Variants in DSE observed in about 807,000 individuals in gnomAD.
The protein encoded by DSE is dermatan sulfate epimerase.
DSE carries 36 observed loss-of-function variants against 84.4 expected under a neutral mutation model. The ratio of observed to expected loss-of-function variants is 0.43; its 90% CI spans 0.33 to 0.56. DSE has a LOEUF of 0.56. DSE is among the 20% of genes least tolerant of loss of function. The probability of loss-of-function intolerance (pLI) is 0.06; values close to 1 mark genes in which losing one functional copy is unlikely to be tolerated. For synonymous variants in DSE, 410 were observed against 430.1 expected (o/e 0.95, Z 0.58); for missense variants, 862 against 1,169.6 (o/e 0.74, Z 3.84).
intron 1 of DSE, among the ~76,000 whole-genome samples, chr6:116,388,004 G>A (rs1780671525): frequency 1.3e-5 from 2 of 152,160 alleles, no homozygotes; most frequent in Admixed American, 1.3e-4. Context: ...CTTGGCCTGA[G>A]CAGCTTTAAT....
chr6:116,297,868 T>C (rs958098066), intron 2 of DSE, among the ~76,000 whole-genome samples: 1 of 152,184 alleles, frequency 6.6e-6, no homozygotes, highest in Non-Finnish European at 1.5e-5. Flanking sequence ...AATAAAATCT[T>C]GTTAAACTAT....
At chr6:116,267,442 TGAAAA>T (rs546246025) in intron 2 of DSE, among the ~76,000 whole-genome samples, 6,050 of 148,830 alleles carry the variant, frequency 0.041, 184 homozygotes, top group African/African-American at 0.082. Flanking sequence ...TTTAAAAAGT[TGAAAA>T]AAAAGAAAAA....
Position 116,437,293 on chromosome 6 carries a change from A to G in DSE, c.2825A>G (p.Asp942Gly). The G allele has an allele frequency of 1.2e-6, 2 of 1,613,918 alleles. No individual in the cohort carries two copies. The highest frequency in any genetic ancestry group is 2.2e-5 in the South Asian group (2 of 91,054). The change falls in exon 6 of 6, where the codon GAT (aspartate) becomes GGT (glycine). Residue 942 changes from aspartate to glycine, a missense_variant. Asp to Gly is a moderately conservative substitution (Grantham distance 94). Coordinates refer to ENST00000644252, the MANE Select transcript of DSE (RefSeq NM_013352.4). ...TGTCTTTATGCAGTTCTTCTCATAGATAGCTGTATTTTATTATGGTTGTAC... is the reference window on the plus strand; with the variant it reads ...TGTCTTTATGCAGTTCTTCTCATAGGTAGCTGTATTTTATTATGGTTGTAC... The part of the protein sequence containing the change: ...QRCLYAVLLI[D>G]SCILLWLYSS...
intron 1 of DSE, among the ~76,000 whole-genome samples, chr6:116,390,982 T>A (rs1780866608): frequency 2.0e-5 from 3 of 152,198 alleles, no homozygotes; most frequent in African/African-American, 7.2e-5. Context: ...AATTATGAAT[T>A]TAGTTAGATA....
At chr6:116,339,836 A>T (rs1777486800) in intron 2 of DSE, among the ~76,000 whole-genome samples, 1 of 152,256 alleles carries the variant, frequency 6.6e-6, no homozygotes, top group Non-Finnish European at 1.5e-5. Context: ...TTCTGCATTT[A>T]GGATGTTAGT....
intron 2 of DSE, chr6:116,279,668 C>T: frequency 6.2e-7 from 1 of 1,608,028 alleles, no homozygotes; most frequent in Non-Finnish European, 8.5e-7. Context: ...GCGACGGTCT[C>T]CGAGCCTCCC....
chr6:116,285,892 G>T (rs1773872475), intron 2 of DSE, among the ~76,000 whole-genome samples: 1 of 152,052 alleles, frequency 6.6e-6, no homozygotes, highest in South Asian at 2.1e-4. Context: ...CTCTGTTTTG[G>T]TACCAGTACC....
chr6:116,354,789 G>T (rs1562249871), intron 2 of DSE, among the ~76,000 whole-genome samples: 1 of 151,356 alleles, frequency 6.6e-6, no homozygotes, highest in Non-Finnish European at 1.5e-5. Context: ...ATATTTTTTG[G>T]TTACATTACT....
intron 2 of DSE, among the ~76,000 whole-genome samples, chr6:116,333,854 G>A (rs1362624519): frequency 1.3e-5 from 2 of 151,982 alleles, no homozygotes; most frequent in Non-Finnish European, 2.9e-5. Context: ...CCTACTCAGA[G>A]GTAAGACAAT....
chr6:116,256,018 C>T (rs1475362152), intron 1 of DSE: 2 of 152,186 alleles, frequency 1.3e-5, no homozygotes, highest in African/African-American at 2.4e-5. Flanking sequence ...ACACTCAGTT[C>T]ATGTAGATTG....
At chr6:116,290,735 A>G (rs1200692010) in intron 2 of DSE, among the ~76,000 whole-genome samples, 1 of 152,140 alleles carries the variant, frequency 6.6e-6, no homozygotes, top group Non-Finnish European at 1.5e-5. Flanking sequence ...CCCACTTAGT[A>G]TATCATCTAC....
At chr6:116,254,195 C>G (rs1175929021) in exon 1 of DSE, 7 of 725,904 alleles carry the variant, frequency 9.6e-6, no homozygotes, top group Non-Finnish European at 1.5e-5. Flanking sequence ...CTACGCTTAT[C>G]AATCCATCGT....
chr6:116,258,800 C>T (rs746113811), exon 2 of DSE: 5 of 1,609,330 alleles, frequency 3.1e-6, no homozygotes, highest in East Asian at 2.2e-5. Flanking sequence ...AGAGGGTTCT[C>T]GCCTGTGAGC....
At chr6:116,315,952 T>G (rs1775949258) in intron 2 of DSE, among the ~76,000 whole-genome samples, 1 of 152,234 alleles carries the variant, frequency 6.6e-6, no homozygotes, top group African/African-American at 2.4e-5. Flanking sequence ...ATCGCACCAC[T>G]GCACTCCAGC....
intron 2 of DSE, among the ~76,000 whole-genome samples, chr6:116,274,586 A>C (rs1582920260): frequency 6.6e-6 from 1 of 152,184 alleles, no homozygotes. Context: ...GTCTCAAAAA[A>C]AAAAAAAAGA....
intron 2 of DSE, among the ~76,000 whole-genome samples, chr6:116,361,246 A>G (rs992638498): frequency 9.9e-5 from 15 of 151,906 alleles, no homozygotes; most frequent in African/African-American, 3.6e-4. Flanking sequence ...CTTTTAGTAG[A>G]GGTGGGGTTT....
At position 116,286,042 on chromosome 6, in the gene DSE, A is replaced by C. The variant is rs571320638; in HGVS notation, c.-54+27075A>C. Among the ~76,000 whole-genome samples, 341 of 152,210 alleles carry C rather than the reference A, an allele frequency of 2.2e-3. 1 individual carries two copies. The highest frequency in any genetic ancestry group is 7.8e-3 in the African/African-American group (326 of 41,558). On this transcript the variant is annotated intron_variant, in intron 2 of 3. Transcript: ENST00000430252. ...TCCATATGAACTTTAGAGGAGTTTT[A>C]TCCAATTCTGTGAAGAAAGTCATTG...
rs191898116 is a variant in DSE at position 116,311,404 on chromosome 6, C to T, written c.-54+52437C>T. 2.6e-5 allele frequency among the ~76,000 whole-genome samples: 4 copies of T among 152,210 alleles called. No individual in the cohort carries two copies. In the East Asian group the frequency reaches 5.8e-4, roughly 22 times the overall value. The stretch of plus-strand genomic sequence containing the variant: ...AATATAGTAGAAATAAAGAATAACA[C>T]AAGGAAAGAAAGAAAATGAGTTGTT... On this transcript the variant is annotated intron_variant, in intron 2 of 3. Transcript: ENST00000430252.
At chr6:116,299,535 T>C (rs1358639692) in intron 2 of DSE, among the ~76,000 whole-genome samples, 3 of 30,456 alleles carry the variant, frequency 9.9e-5, no homozygotes, top group Non-Finnish European at 1.4e-4. Context: ...TATATATATA[T>C]ATATATATAT....
Sources: gnomAD v4.1 joint callset for allele counts (sites outside exome capture counted in the v4.1 genomes callset) on GRCh38, gnomAD v4.1.1 for gene constraint, MANE v1.5 for transcripts, NCBI Gene and HGNC (gene_info 2026-07-23, HGNC 2026-07-21) for gene names.